Variants in MRGPRE observed in about 807,000 individuals in gnomAD.
MRGPRE encodes mas-related G protein-coupled receptor member E.
For synonymous variants in MRGPRE, 229 were observed against 206.7 expected (o/e 1.11, Z -0.92); for missense variants, 466 against 433.4 (o/e 1.08, Z -0.67).
intron 1 of MRGPRE, 127 bp from the exon 2 acceptor site, chr11:3,228,987 C>G (rs1046253025): frequency 1.8e-6 from 1 of 558,564 alleles, no homozygotes; most frequent in Non-Finnish European, 3.2e-6. Context: ...GAAGACCCCT[C>G]TCTCATTTCC....
rs1847749802 is a variant in MRGPRE at position 3,225,521 on chromosome 11, A to G, written c.*2340T>C. Among the ~76,000 whole-genome samples the G allele has an allele frequency of 4.6e-5, 7 of 151,976 alleles. No individual in the cohort carries two copies. The highest frequency in any genetic ancestry group is 4.6e-4 in the Admixed American group (7 of 15,272). On this transcript the variant is annotated 3_prime_UTR_variant, in exon 2 of 2. Transcript: ENST00000389832. ...CTTGTGGCTCTGGGGGCAGAAGAGG[A>G]GGTGCAGCGGGGGAGGTCAGAGGAG...
At position 3,231,057 on chromosome 11, in the gene MRGPRE, A is replaced by G. The variant is rs1212006311; in HGVS notation, c.-62+1084T>C. ...TGATGGTGGACCCCCTCCCAGGCACAAGTCCCGTCCACCCATGGACGGAGC... is the reference window on the plus strand; with the variant it reads ...TGATGGTGGACCCCCTCCCAGGCACGAGTCCCGTCCACCCATGGACGGAGC... On this transcript the variant is annotated intron_variant, in intron 1 of 1. Coordinates refer to ENST00000389832, the MANE Select transcript of MRGPRE (RefSeq NM_001039165.4). The surrounding 1 kb of genome is among the most constrained non-coding windows in gnomAD (Gnocchi z 4.7). Among the ~76,000 whole-genome samples, 1 of 152,020 alleles carries G rather than the reference A, an allele frequency of 6.6e-6. No homozygotes were observed. The highest frequency in any genetic ancestry group is 1.5e-5 in the Non-Finnish European group (1 of 67,974).
In MRGPRE at chr11:3,229,394, T is replaced by C. The variant is rs2134631201; in HGVS notation, c.-61-534A>G. On this transcript the variant is annotated intron_variant, in intron 1 of 1. Coordinates refer to ENST00000389832, the MANE Select transcript of MRGPRE (RefSeq NM_001039165.4). This position sits in a 1 kb window ranked among gnomAD's most constrained non-coding sequence, Gnocchi z 4.4. Reference sequence around the variant, plus strand: ...GCGTGCATCACCATGCCCAGCTAATTTATTGCATTTTTAGTAGAGACAGGG... The same window carrying C: ...GCGTGCATCACCATGCCCAGCTAATCTATTGCATTTTTAGTAGAGACAGGG... Among the ~76,000 whole-genome samples the C allele has an allele frequency of 6.6e-6, 1 of 152,144 alleles. No homozygotes were observed. The highest frequency in any genetic ancestry group is 2.1e-4 in the South Asian group (1 of 4,808).
chr11:3,228,930 G>A, intron 1 of MRGPRE, 70 bp from the exon 2 acceptor site: 2 of 733,060 alleles, frequency 2.7e-6, no homozygotes, highest in South Asian at 2.0e-5. Context: ...CATCAGGGGA[G>A]ATGAGAGTTG....
In MRGPRE at chr11:3,228,081, C is replaced by T. The variant is rs200161606; in HGVS notation, c.719G>A (p.Arg240Gln). 2.2e-4 allele frequency: 354 copies of T among 1,605,434 alleles called. 1 individual carries two copies. The African/African-American group carries it at 3.0e-3, about 14-fold the overall frequency. Residue 240 changes from arginine to glutamine, a missense_variant, in exon 2 of 2, where the codon CGG becomes CAG. Physicochemically the swap from Arg to Gln is conservative, Grantham distance 43. Transcript: ENST00000389832. ...GTGGGGGATGTACCAGAGCAGGTTCCGGGACAGCCAGTAGATGCCGAAGGG... is the reference window on the plus strand; with the variant it reads ...GTGGGGGATGTACCAGAGCAGGTTCTGGGACAGCCAGTAGATGCCGAAGGG... ...GLPFGIYWLS[R>Q]NLLWYIPHYF...
rs1324592369 is a variant in MRGPRE at position 3,226,403 on chromosome 11, G to T, written c.*1458C>A. Reference sequence around the variant, plus strand: ...TGGGCTGGAGATAATTTGGGAGGAGGTAAGTCCCCAAGTGGGGGCTGGAGG... The same window carrying T: ...TGGGCTGGAGATAATTTGGGAGGAGTTAAGTCCCCAAGTGGGGGCTGGAGG... On this transcript the variant is annotated 3_prime_UTR_variant, in exon 2 of 2. Coordinates refer to ENST00000389832, the MANE Select transcript of MRGPRE (RefSeq NM_001039165.4). 1.3e-5 allele frequency: 2 copies of T among 152,280 alleles called. No homozygotes were observed. Among genetic ancestry groups the T allele is most frequent in the South Asian group, 4.1e-4 (2 of 4,838 alleles). The allele number at this position is 152,280 out of a possible 1,614,324, so 9.4% of individuals were successfully genotyped here. A position where few individuals can be genotyped will look rare whatever the true frequency, so the allele number is the denominator to read the frequency against.
In MRGPRE at chr11:3,228,542, T is replaced by C. The variant is rs1168346364; in HGVS notation, c.258A>G (p.Gln86=). ...HMVAIVPDLL[Q]GRLDFPGFVQ... ...CGAAGCCCGGGAAGTCCAGCCGGCC[T>C]TGCAGCAAGTCGGGGACGATGGCCA... The change falls in exon 2 of 2, where the codon CAA becomes CAG. Residue 86 remains glutamine, a synonymous_variant. Transcript: ENST00000389832. The C allele has an allele frequency of 1.2e-6, 2 of 1,613,760 alleles. No homozygotes were observed. Among genetic ancestry groups the C allele is most frequent in the Admixed American group, 1.7e-5 (1 of 60,028 alleles).
intron 1 of MRGPRE, 121 bp from the exon 2 acceptor site, chr11:3,228,981 A>C: frequency 7.2e-6 from 4 of 551,912 alleles, no homozygotes; most frequent in Non-Finnish European, 1.3e-5. Context: ...CCAGGAGAAG[A>C]CCCCTCTCTC....
rs994952622 is a variant in MRGPRE, at chr11:3,231,137, C to T, written c.-62+1004G>A. Among the ~76,000 whole-genome samples, 2 of 152,122 alleles carry T rather than the reference C, an allele frequency of 1.3e-5. No homozygotes were observed. The highest frequency in any genetic ancestry group is 2.9e-5 in the Non-Finnish European group (2 of 68,010). On this transcript the variant is annotated intron_variant, in intron 1 of 1. Transcript: ENST00000389832. This position sits in a 1 kb window ranked among gnomAD's most constrained non-coding sequence, Gnocchi z 4.7. Reference sequence around the variant, plus strand: ...CCCCAAAGCAACAGGTGGGGTTTCTCCAGCCTGTGGCCCACCAAGGGCCAT... The same window carrying T: ...CCCCAAAGCAACAGGTGGGGTTTCTTCAGCCTGTGGCCCACCAAGGGCCAT...
rs1395021484 is a variant in MRGPRE, at chr11:3,227,833, C to T, written c.*28G>A. 1 of 1,427,386 alleles carries T rather than the reference C, an allele frequency of 7.0e-7. No homozygotes were observed. Among genetic ancestry groups the T allele is most frequent in the Non-Finnish European group, 9.2e-7 (1 of 1,090,216 alleles). The allele number at this position is 1,427,386 out of a possible 1,614,324, so 88.4% of individuals were successfully genotyped here. A position where few individuals can be genotyped will look rare whatever the true frequency, so the allele number is the denominator to read the frequency against. ...AAGTCACCCTCTTGCCTCACGGGGG[C>T]TGCAGCTGGGGTCGGGGGCCCCAGG... On this transcript the variant is annotated 3_prime_UTR_variant, in exon 2 of 2. Coordinates refer to ENST00000389832, the MANE Select transcript of MRGPRE (RefSeq NM_001039165.4).
chr11:3,228,399 C>T lies in MRGPRE; in HGVS notation c.401G>A (p.Arg134His), dbSNP rs199984224. 205 of 1,600,646 alleles carry T rather than the reference C, an allele frequency of 1.3e-4. No homozygotes were observed. The African/African-American group carries it at 1.8e-3, about 14-fold the overall frequency. ...AALFPAWYSC[R>H]RPRHLTTCVC... ...ACAGGTGGTCAGGTGGCGTGGGCGG[C>T]GGCACGAGTACCAGGCTGGGAAGAG... The change falls in exon 2 of 2, where the codon CGC (arginine) becomes CAC (histidine). Residue 134 changes from arginine to histidine, a missense_variant. Physicochemically the swap from Arg to His is conservative, Grantham distance 29. Transcript: ENST00000389832.
rs573253611 is a variant in MRGPRE at position 3,226,197 on chromosome 11, G to A, written c.*1664C>T. On this transcript the variant is annotated 3_prime_UTR_variant, in exon 2 of 2. Coordinates refer to ENST00000389832, the MANE Select transcript of MRGPRE (RefSeq NM_001039165.4). Reference sequence around the variant, plus strand: ...ACACGTCCACGGTGAGGTCATGTCCGTGAGATGAATCTGTGCTTTTCCTCC... The same window carrying A: ...ACACGTCCACGGTGAGGTCATGTCCATGAGATGAATCTGTGCTTTTCCTCC... The A allele has an allele frequency of 5.9e-5, 9 of 152,432 alleles. No individual in the cohort carries two copies. Among genetic ancestry groups the A allele is most frequent in the East Asian group, 1.9e-4 (1 of 5,186 alleles). The allele number at this position is 152,432 out of a possible 1,614,324, so 9.4% of individuals were successfully genotyped here. A position where few individuals can be genotyped will look rare whatever the true frequency, so the allele number is the denominator to read the frequency against.
rs533727821 is a variant in MRGPRE, at chr11:3,227,326, C to G, written c.*535G>C. ...TGATGATCAAGGACGGGGAGGGGGT[C>G]AAGTTTTGGGCAGTCTTCCATTTTA... is the stretch of plus-strand genomic sequence containing the variant. On this transcript the variant is annotated 3_prime_UTR_variant, in exon 2 of 2. Coordinates refer to ENST00000389832, the MANE Select transcript of MRGPRE (RefSeq NM_001039165.4). 2.0e-5 allele frequency among the ~76,000 whole-genome samples: 3 copies of G among 152,100 alleles called. No homozygotes were observed. The highest frequency in any genetic ancestry group is 6.5e-5 in the Admixed American group (1 of 15,280).
rs965967286 is a variant in MRGPRE, at chr11:3,227,695, G to A, written c.*166C>T. 1 of 532,432 alleles carries A rather than the reference G, an allele frequency of 1.9e-6. No individual in the cohort carries two copies. The allele number at this position is 532,432 out of a possible 1,614,324, so 33.0% of individuals were successfully genotyped here. A position where few individuals can be genotyped will look rare whatever the true frequency, so the allele number is the denominator to read the frequency against. On this transcript the variant is annotated 3_prime_UTR_variant, in exon 2 of 2. Transcript: ENST00000389832. ...TTGCCTTTCCAGCTGCCTCCCAGGGGAGCCTCATGCTCCAGACCAAGGGTC... is the reference window on the plus strand; with the variant it reads ...TTGCCTTTCCAGCTGCCTCCCAGGGAAGCCTCATGCTCCAGACCAAGGGTC...
Position 3,229,344 on chromosome 11 carries a change from G to A in MRGPRE, c.-61-484C>T, listed in dbSNP as rs899657814. On this transcript the variant is annotated intron_variant, in intron 1 of 1. Transcript: ENST00000389832. This position sits in a 1 kb window ranked among gnomAD's most constrained non-coding sequence, Gnocchi z 4.4. ...GGGTTCAAGTGATTCTCCTGTCTCA[G>A]CCTCCCGAAGAGCTGGGATTACAGG... 6.7e-6 allele frequency among the ~76,000 whole-genome samples: 1 copy of A among 150,094 alleles called. No individual in the cohort carries two copies. The highest frequency in any genetic ancestry group is 2.5e-5 in the African/African-American group (1 of 40,436).
rs1035070591 is a variant in MRGPRE at position 3,226,558 on chromosome 11, C to T, written c.*1303G>A. Among the ~76,000 whole-genome samples, 2 of 152,184 alleles carry T rather than the reference C, an allele frequency of 1.3e-5. No homozygotes were observed. The highest frequency in any genetic ancestry group is 2.4e-5 in the African/African-American group (1 of 41,444). On this transcript the variant is annotated 3_prime_UTR_variant, in exon 2 of 2. Coordinates refer to ENST00000389832, the MANE Select transcript of MRGPRE (RefSeq NM_001039165.4). ...TGGGCTGGGAGGGGCCCGGTGCAGC[C>T]GGATTCCAGGGTGCTGACCAGGGAT...
Position 3,228,826 on chromosome 11 carries a change from G to GAACACACTCCTGCA in MRGPRE, c.-28_-27insTGCAGGAGTGTGTT. On this transcript the variant is annotated 5_prime_UTR_variant, in exon 2 of 2. Transcript: ENST00000389832. ...GGGCGGGGGGCCAGGGGATGCTGCA[G>GAACACACTCCTGCA]GAGTGTGTTCTGCTCGCTCTCTCTC... 1 of 1,570,712 alleles carries GAACACACTCCTGCA rather than the reference G, an allele frequency of 6.4e-7. No homozygotes were observed. The highest frequency in any genetic ancestry group is 8.7e-7 in the Non-Finnish European group (1 of 1,153,118).
In MRGPRE at chr11:3,228,060, G is replaced by T. The variant is rs372207608; in HGVS notation, c.740C>A (p.Pro247His). Reference protein sequence around the residue: ...WLSRNLLWYIPHYFYHFSFLM... With the variant: ...WLSRNLLWYIHHYFYHFSFLM... ...GAAGCTGAAGTGGTAGAAGTAGTGGGGGATGTACCAGAGCAGGTTCCGGGA... is the reference window on the plus strand; with the variant it reads ...GAAGCTGAAGTGGTAGAAGTAGTGGTGGATGTACCAGAGCAGGTTCCGGGA... The change falls in exon 2 of 2, where the codon CCC (proline) becomes CAC (histidine). Residue 247 changes from proline (P) to histidine (H), a missense_variant. By Grantham distance (77) the Pro-to-His change is moderately conservative. Transcript: ENST00000389832. The T allele has an allele frequency of 5.0e-6, 8 of 1,608,776 alleles. No individual in the cohort carries two copies. The highest frequency in any genetic ancestry group is 5.9e-6 in the Non-Finnish European group (7 of 1,177,994).
chr11:3,230,190 C>T lies in MRGPRE; in HGVS notation c.-61-1330G>A, dbSNP rs1847814374. Among the ~76,000 whole-genome samples the T allele has an allele frequency of 6.6e-6, 1 of 151,958 alleles. No individual in the cohort carries two copies. Among genetic ancestry groups the T allele is most frequent in the Non-Finnish European group, 1.5e-5 (1 of 67,980 alleles). On this transcript the variant is annotated intron_variant, in intron 1 of 1. Coordinates refer to ENST00000389832, the MANE Select transcript of MRGPRE (RefSeq NM_001039165.4). The surrounding 1 kb of genome is among the most constrained non-coding windows in gnomAD (Gnocchi z 5.5). Reference sequence around the variant, plus strand: ...GTGCTTGGTGACCCCAGCTTCTCCTCTTGGGGTTGGGGGAGAGGGGATGGG... The same window carrying T: ...GTGCTTGGTGACCCCAGCTTCTCCTTTTGGGGTTGGGGGAGAGGGGATGGG...
Sources: gnomAD v4.1 joint callset for allele counts (sites outside exome capture counted in the v4.1 genomes callset) on GRCh38, gnomAD v4.1.1 for gene constraint, Gnocchi (gnomAD v3.1) non-coding constraint, MANE v1.5 for transcripts, NCBI Gene and HGNC (gene_info 2026-07-23, HGNC 2026-07-21) for gene names.